Variants in DDX21 observed in about 807,000 individuals in gnomAD.
DDX21 encodes the protein nucleolar RNA helicase 2.
DDX21 carries 18 observed loss-of-function variants against 90.0 expected under a neutral mutation model. That is an observed-to-expected ratio of 0.20 (90% CI 0.14 to 0.30). The LOEUF (loss-of-function observed/expected upper bound fraction) is 0.30, where lower values mean the gene tolerates loss of function less well. DDX21 is among the 10% of genes least tolerant of loss of function. The pLI, the probability that DDX21 is intolerant of heterozygous loss-of-function variation, is 1.00. For missense variants in DDX21, 673 were observed against 944.5 expected (o/e 0.71, Z 3.77); for synonymous variants, 294 against 318.0 (o/e 0.92, Z 0.80).
intron 4 of DDX21, among the ~76,000 whole-genome samples, chr10:68,965,045 T>A (rs1004824595): frequency 2.0e-5 from 3 of 152,220 alleles, no homozygotes; most frequent in African/African-American, 7.2e-5. Flanking sequence ...TTTGTTCTGC[T>A]TCAAATTTTC....
intron 9 of DDX21, 102 bp downstream of exon 9, chr10:68,972,154 A>C (rs921756863): frequency 9.9e-6 from 13 of 1,317,258 alleles, no homozygotes; most frequent in Non-Finnish European, 1.4e-5. Flanking sequence ...GTATATAGCT[A>C]TCTTTTGAGT....
chr10:68,980,715 A>G (rs1314922125), intron 13 of DDX21, among the ~76,000 whole-genome samples: 1 of 151,574 alleles, frequency 6.6e-6, no homozygotes, highest in Non-Finnish European at 1.5e-5. Context: ...AATATTAAAG[A>G]TGGTGTCCTG....
chr10:68,972,575 C>T lies in DDX21; in HGVS notation c.1548+523C>T, dbSNP rs777830933. Among the ~76,000 whole-genome samples the T allele has an allele frequency of 2.6e-5, 4 of 152,156 alleles. No individual in the cohort carries two copies. In the South Asian group the frequency reaches 8.3e-4, roughly 31 times the overall value. On this transcript the variant is annotated intron_variant, in intron 9 of 14. Coordinates refer to ENST00000354185, the MANE Select transcript of DDX21 (RefSeq NM_004728.4). The stretch of plus-strand genomic sequence containing the variant: ...AAATCTCACCCAAATTGGCAAATCC[C>T]CCATGGTTAAAGGCTGCTTACAACA...
At chr10:68,978,428 A>G (rs1463618545) in intron 12 of DDX21, among the ~76,000 whole-genome samples, 1 of 152,226 alleles carries the variant, frequency 6.6e-6, no homozygotes, top group Admixed American at 6.5e-5. Flanking sequence ...GCCCAAACAT[A>G]TATATGCGCA....
rs565744834 is a variant in DDX21 at position 68,976,509 on chromosome 10, A to C, written c.1743-1020A>C. Among the ~76,000 whole-genome samples the C allele has an allele frequency of 2.6e-5, 4 of 152,182 alleles. No individual in the cohort carries two copies. The East Asian group carries it at 5.8e-4, about 22-fold the overall frequency. ...TCACCGTGTTAGCCAGGATGGTCTC[A>C]ATCTCCTGACCTCATGATCCGCCCG... On this transcript the variant is annotated intron_variant, in intron 11 of 14. Transcript: ENST00000354185.
At position 68,960,229 on chromosome 10, in the gene DDX21, A is replaced by G. The variant is rs746885297; in HGVS notation, c.511A>G (p.Ser171Gly). Residue 171 changes from serine to glycine, a missense_variant, in exon 2 of 15, where the codon AGT becomes GGT. Physicochemically the swap from Ser to Gly is moderately conservative, Grantham distance 56. This residue lies in a region of DDX21 where 204 missense variants were observed against 221.6 expected (regional missense o/e 0.92). Transcript: ENST00000354185. ...CNPSEAASEESNSEIEQEIPV... is the reference protein window; with the variant it reads ...CNPSEAASEEGNSEIEQEIPV... ...CCCCAGTGAAGCTGCCAGTGAAGAA[A>G]GTAACAGTGAGATAGAGCAGGTACA... 3.1e-6 allele frequency: 5 copies of G among 1,605,762 alleles called. No individual in the cohort carries two copies. In the South Asian group the frequency reaches 4.5e-5, roughly 14 times the overall value.
chr10:68,973,215 GAT>G (rs1417909746), intron 9 of DDX21, among the ~76,000 whole-genome samples: 3 of 151,880 alleles, frequency 2.0e-5, no homozygotes, highest in Non-Finnish European at 1.5e-5. Flanking sequence ...AAAAAGACTA[GAT>G]ATATTGAGTT....
Position 68,960,178 on chromosome 10 carries a change from T to C in DDX21, c.460T>C (p.Phe154Leu), listed in dbSNP as rs751953810. The part of the protein sequence containing the change: ...REKSPKLKNG[F>L]PHPEPDCNPS... ...GAAAAGCCCCAAACTGAAGAATGGATTTCCTCATCCTGAACCGGACTGTAA... is the reference window on the plus strand; with the variant it reads ...GAAAAGCCCCAAACTGAAGAATGGACTTCCTCATCCTGAACCGGACTGTAA... The change falls in exon 2 of 15, where the codon TTT (phenylalanine) becomes CTT (leucine). Residue 154 changes from phenylalanine to leucine, a missense_variant. This residue lies in a region of DDX21 where 204 missense variants were observed against 221.6 expected (regional missense o/e 0.92). Transcript: ENST00000354185. 1.7e-5 allele frequency: 27 copies of C among 1,613,602 alleles called. No homozygotes were observed. The highest frequency in any genetic ancestry group is 2.7e-5 in the African/African-American group (2 of 74,860).
chr10:68,975,921 C>T (rs961318458), intron 11 of DDX21, among the ~76,000 whole-genome samples: 19 of 151,922 alleles, frequency 1.3e-4, no homozygotes, highest in Middle Eastern at 3.4e-3. Context: ...TGGTTGCGCA[C>T]GCCTATAATC....
rs1843218582 is a variant in DDX21, at chr10:68,983,067, GTATTATC to G, written c.*257_*263del. On this transcript the variant is annotated 3_prime_UTR_variant, in exon 15 of 15. Coordinates refer to ENST00000354185, the MANE Select transcript of DDX21 (RefSeq NM_004728.4). ...GAATTCATTACATTTTTATTCTAAT[GTATTATC>G]TGTAGATTAGAAGATAAAATCAAGC... The G allele has an allele frequency of 7.8e-6, 4 of 514,314 alleles. No homozygotes were observed. Among genetic ancestry groups the G allele is most frequent in the Non-Finnish European group, 1.0e-5 (3 of 291,092 alleles). 31.9% of individuals were successfully genotyped at this position (514,314 alleles called of 1,614,324 possible).
Position 68,967,135 on chromosome 10 carries a change from T to C in DDX21, c.1022T>C (p.Val341Ala), listed in dbSNP as rs763646493. 4.3e-6 allele frequency: 7 copies of C among 1,610,422 alleles called. No individual in the cohort carries two copies. The highest frequency in any genetic ancestry group is 5.1e-6 in the Non-Finnish European group (6 of 1,178,766). The change falls in exon 6 of 15, where the codon GTG becomes GCG. Residue 341 changes from valine to alanine, a missense_variant. Physicochemically the swap from Val to Ala is moderately conservative, Grantham distance 64. Coordinates refer to ENST00000354185, the MANE Select transcript of DDX21 (RefSeq NM_004728.4). ...TKLKHVVLDEVDQMLDMGFAD... is the reference protein window; with the variant it reads ...TKLKHVVLDEADQMLDMGFAD... ...CTTAAGCATGTTGTCCTGGATGAAG[T>C]GGACCAGATGTTGGATATGGGATTT...
At chr10:68,956,460 C>G in intron 1 of DDX21, 148 bp downstream of exon 1, 1 of 1,474,712 alleles carries the variant, frequency 6.8e-7, no homozygotes, top group Non-Finnish European at 9.0e-7. Context: ...GGGCGGTCGC[C>G]CAGGAGTGGT....
Position 68,965,483 on chromosome 10 carries a change from A to G in DDX21, c.893A>G (p.Tyr298Cys), listed in dbSNP as rs902016242. 1.9e-6 allele frequency: 3 copies of G among 1,611,768 alleles called. No individual in the cohort carries two copies. The highest frequency in any genetic ancestry group is 1.7e-6 in the Non-Finnish European group (2 of 1,178,422). Residue 298 changes from tyrosine (Y) to cysteine (C), a missense_variant, in exon 5 of 15, where the codon TAT (tyrosine) becomes TGT (cysteine). Physicochemically the swap from Tyr to Cys is radical, Grantham distance 194. Around this residue, in one of 4 missense-constraint regions of DDX21, gnomAD observed 218 missense variants for 347.3 expected, o/e 0.63. Transcript: ENST00000354185. Reference sequence around the variant, plus strand: ...GCTTGTTTTTATGGTGGAACTCCCTATGGAGGTCAATGTGAGTACATTCAA... The same window carrying G: ...GCTTGTTTTTATGGTGGAACTCCCTGTGGAGGTCAATGTGAGTACATTCAA... ...SVACFYGGTP[Y>C]GGQFERMRNG...
At chr10:68,962,020 AG>A in intron 2 of DDX21, 61 bp from the exon 3 acceptor site, 1 of 1,291,574 alleles carries the variant, frequency 7.7e-7, no homozygotes, top group Non-Finnish European at 1.1e-6. Context: ...CTTTCTCAGA[AG>A]GTTCTCTATT....
intron 5 of DDX21, among the ~76,000 whole-genome samples, chr10:68,966,650 C>T (rs762430981): frequency 1.3e-5 from 2 of 151,766 alleles, no homozygotes; most frequent in Non-Finnish European, 2.9e-5. Context: ...ACCATGTTGG[C>T]CAGGCTGGTC....
chr10:68,970,081 G>A, intron 7 of DDX21, 120 bp from the exon 8 acceptor site: 1 of 951,886 alleles, frequency 1.1e-6, no homozygotes, highest in Non-Finnish European at 1.5e-6. Context: ...TCAGGCTTGA[G>A]TAGTTGTTTC....
chr10:68,958,522 C>T (rs1327653906), intron 1 of DDX21, among the ~76,000 whole-genome samples: 1 of 152,014 alleles, frequency 6.6e-6, no homozygotes, highest in Non-Finnish European at 1.5e-5. Context: ...CTGCAACCCC[C>T]GCCTCCCGGG....
At chr10:68,971,322 T>G (rs1443698015) in intron 8 of DDX21, among the ~76,000 whole-genome samples, 1 of 152,108 alleles carries the variant, frequency 6.6e-6, no homozygotes, top group Admixed American at 6.5e-5. Context: ...GCTGCACAGA[T>G]CATCCCATAA....
At chr10:68,957,507 GT>G (rs1842814529) in intron 1 of DDX21, among the ~76,000 whole-genome samples, 1 of 152,166 alleles carries the variant, frequency 6.6e-6, no homozygotes, top group Non-Finnish European at 1.5e-5. Context: ...TTGATATGGA[GT>G]TCTTACAATA....
Sources: gnomAD v4.1 joint callset for allele counts (sites outside exome capture counted in the v4.1 genomes callset) on GRCh38, gnomAD v4.1.1 for gene constraint, gnomAD v4.1.1 regional missense constraint, MANE v1.5 for transcripts, NCBI Gene and HGNC (gene_info 2026-07-23, HGNC 2026-07-21) for gene names.